LIPJ: variants seen among roughly 807,000 people sequenced by gnomAD.
The protein encoded by LIPJ is lipase family member J, also known as lipase member J.
In LIPJ, 33 loss-of-function variants were observed where a neutral mutation model predicts 39.8. That is an observed-to-expected ratio of 0.83 (90% CI 0.63 to 1.11). The LOEUF (loss-of-function observed/expected upper bound fraction) is 1.11, where lower values mean the gene tolerates loss of function less well. LIPJ is among the 50% of genes least tolerant of loss of function. LIPJ has a pLI of 0.00. For synonymous variants in LIPJ, 128 were observed against 139.2 expected, an observed-to-expected ratio of 0.92 and a Z score of 0.57; for missense variants, 422 against 427.9, an observed-to-expected ratio of 0.99 and a Z score of 0.12.
exon 11 of LIPJ, chr10:88,606,856 C>A (rs1332244294): frequency 1.9e-6 from 3 of 1,597,920 alleles, no homozygotes; most frequent in Non-Finnish European, 2.6e-6. Flanking sequence ...GATTAGATGT[C>A]TATGATCAAG....
At chr10:88,613,188 G>C in the LIPJ span, among the ~76,000 whole-genome samples, 6 of 152,232 alleles carry the variant, frequency 3.9e-5, no homozygotes, top group African/African-American at 1.4e-4. Context: ...GCAATAGCAG[G>C]CATCATTCCA....
chr10:88,583,150 C>T (rs746582270), upstream of LIPJ: 6 of 1,614,052 alleles, frequency 3.7e-6, no homozygotes, highest in Non-Finnish European at 5.1e-6. Flanking sequence ...AGCGCACAAG[C>T]TTCCTGTCAT....
intron 2 of LIPJ, among the ~76,000 whole-genome samples, chr10:88,590,011 G>T (rs919184803): frequency 6.6e-6 from 1 of 151,556 alleles, no homozygotes; most frequent in Admixed American, 6.6e-5. Context: ...CTTTTGGGGG[G>T]AGAATCTGGA....
intron 2 of LIPJ, among the ~76,000 whole-genome samples, 161 bp from the exon 3 acceptor site, chr10:88,590,424 C>G (rs1222020101): frequency 6.6e-6 from 1 of 151,876 alleles, no homozygotes; most frequent in East Asian, 1.9e-4. Context: ...GCCAGTTATA[C>G]ATTTTATGGT....
chr10:88,595,120 T>C (rs1398953080), intron 6 of LIPJ, among the ~76,000 whole-genome samples: 4 of 151,836 alleles, frequency 2.6e-5, no homozygotes, highest in Non-Finnish European at 1.5e-5. Context: ...TTTAAAAATG[T>C]AGCATAGGAT....
the LIPJ span, among the ~76,000 whole-genome samples, chr10:88,614,445 T>A: frequency 5.3e-5 from 8 of 152,094 alleles, no homozygotes; most frequent in South Asian, 2.1e-4. Flanking sequence ...ATAAACATTT[T>A]AAAAAATTAA....
At chr10:88,596,714 A>G (rs571061021) in intron 7 of LIPJ, 76 bp from the exon 8 acceptor site, 2 of 1,258,378 alleles carry the variant, frequency 1.6e-6, no homozygotes, top group East Asian at 4.7e-5. Flanking sequence ...GGTTTTATAG[A>G]TAGTGAATTA....
At chr10:88,614,991 A>T in the LIPJ span, among the ~76,000 whole-genome samples, 1 of 152,200 alleles carries the variant, frequency 6.6e-6, no homozygotes, top group East Asian at 1.9e-4. Flanking sequence ...TGTATATCTT[A>T]TATCCTGTTT....
chr10:88,593,835 AT>A (rs1851161123), intron 4 of LIPJ, 110 bp from the exon 5 acceptor site: 2 of 906,286 alleles, frequency 2.2e-6, no homozygotes, highest in Non-Finnish European at 3.3e-6. Flanking sequence ...TATGAAAACA[AT>A]TTTTTAAAAT....
At chr10:88,607,959 C>A (rs570436677), downstream of LIPJ, among the ~76,000 whole-genome samples, 2 of 152,332 alleles carry the variant, frequency 1.3e-5, no homozygotes, top group Admixed American at 1.3e-4. Context: ...AGAGCTTGAT[C>A]AGGTTCTCAC....
chr10:88,621,770 T>C, the LIPJ span, among the ~76,000 whole-genome samples: 1 of 152,182 alleles, frequency 6.6e-6, no homozygotes, highest in Non-Finnish European at 1.5e-5. Context: ...ACAATGATAT[T>C]TGACCTAAGG....
At chr10:88,604,112 T>C (rs1851585763) in intron 9 of LIPJ, among the ~76,000 whole-genome samples, 1 of 152,112 alleles carries the variant, frequency 6.6e-6, no homozygotes, top group African/African-American at 2.4e-5. Flanking sequence ...TAGAAGGGAA[T>C]AGAACTATGG....
chr10:88,617,298 G>A, the LIPJ span, among the ~76,000 whole-genome samples: 1 of 152,026 alleles, frequency 6.6e-6, no homozygotes. Flanking sequence ...ATTAGACAAT[G>A]ATAATTTGAG....
intron 2 of LIPJ, among the ~76,000 whole-genome samples, chr10:88,588,911 CA>C (rs1459049384): frequency 1.3e-5 from 2 of 151,732 alleles, no homozygotes; most frequent in Non-Finnish European, 3.0e-5. Context: ...AAACATTTCC[CA>C]TTGGTGGTTA....
the LIPJ span, among the ~76,000 whole-genome samples, chr10:88,613,800 A>ATATGTGTG: frequency 1.9e-3 from 138 of 74,106 alleles, 2 homozygotes; most frequent in African/African-American, 2.4e-3. Context: ...ATATATATAT[A>ATATGTGTG]TGTGTGTGTG....
At chr10:88,583,017 T>C (rs894140465), upstream of LIPJ, 1 of 1,583,130 alleles carries the variant, frequency 6.3e-7, no homozygotes, top group Admixed American at 1.7e-5. Flanking sequence ...CCACACCACC[T>C]CAGCAGCCTG....
At chr10:88,622,830 G>A in the LIPJ span, among the ~76,000 whole-genome samples, 1 of 152,202 alleles carries the variant, frequency 6.6e-6, no homozygotes, top group East Asian at 1.9e-4. Context: ...TTTTTAACAT[G>A]GTCACCCTGA....
At chr10:88,616,709 C>A in the LIPJ span, among the ~76,000 whole-genome samples, 1 of 152,294 alleles carries the variant, frequency 6.6e-6, no homozygotes, top group African/African-American at 2.4e-5. Context: ...TATCCCGCAA[C>A]CCCTGCCTCA....
upstream of LIPJ, chr10:88,583,515 G>T: frequency 3.4e-6 from 4 of 1,186,558 alleles, no homozygotes; most frequent in Non-Finnish European, 4.2e-6. Context: ...AACCCGCCTC[G>T]CAACAGAGCT....
Sources: allele counts gnomAD v4.1 joint callset (sites outside exome capture counted in the v4.1 genomes callset), GRCh38; gene constraint gnomAD v4.1.1; transcripts MANE v1.5; gene names NCBI Gene and HGNC (gene_info 2026-07-23, HGNC 2026-07-21).